RRP1B: variants seen among roughly 807,000 people sequenced by gnomAD.
RRP1B encodes the protein ribosomal RNA processing protein 1 homolog B.
In RRP1B, 56 loss-of-function variants were observed where a neutral mutation model predicts 80.2. That is an observed-to-expected ratio of 0.70 (90% CI 0.56 to 0.87). The LOEUF is 0.87. Ranked by LOEUF, RRP1B falls within the 40% of genes least tolerant of loss-of-function variation. The pLI is 0.00. For missense variants in RRP1B, 807 were observed against 939.8 expected (o/e 0.86, Z 1.85); for synonymous variants, 351 against 357.6 (o/e 0.98, Z 0.21).
chr21:43,669,453 C>T (rs1450302415), intron 1 of RRP1B, among the ~76,000 whole-genome samples: 1 of 152,290 alleles, frequency 6.6e-6, no homozygotes, highest in South Asian at 2.1e-4. Flanking sequence ...GTGGGGCTGC[C>T]CGTTGCTGGG....
In RRP1B at chr21:43,667,506, C is replaced by T. The variant is rs114144589; in HGVS notation, c.131-2378C>T. Among the ~76,000 whole-genome samples the T allele has an allele frequency of 5.6e-3, 855 of 152,206 alleles. 10 individuals carry two copies. The highest frequency in any genetic ancestry group is 0.019 in the African/African-American group (808 of 41,502). The stretch of plus-strand genomic sequence containing the variant: ...TAGAGATTGGGTTTTGCTGTGTTGC[C>T]CAGGCTGGTCTCAAACTCCTGAGCT... On this transcript the variant is annotated intron_variant, in intron 1 of 15. Transcript: ENST00000340648.
At chr21:43,690,060 C>T (rs571504051) in intron 13 of RRP1B, among the ~76,000 whole-genome samples, 4 of 152,284 alleles carry the variant, frequency 2.6e-5, no homozygotes, top group Admixed American at 6.5e-5. Context: ...TCTGACGAGG[C>T]GTTTTCATCG....
Position 43,686,948 on chromosome 21 carries a change from G to A in RRP1B, c.1141+13G>A. On this transcript the variant is annotated intron_variant, in intron 12 of 15. Transcript: ENST00000340648. ...GAAAAGGAGAAAGGTAAGCTGTAAAGCTAAAAAGAAGGGCACGACTCAGCC... is the reference window on the plus strand; with the variant it reads ...GAAAAGGAGAAAGGTAAGCTGTAAAACTAAAAAGAAGGGCACGACTCAGCC... 6.2e-7 allele frequency: 1 copy of A among 1,611,544 alleles called. No homozygotes were observed. The highest frequency in any genetic ancestry group is 2.2e-5 in the East Asian group (1 of 44,846).
Position 43,672,328 on chromosome 21 carries a change from T to C in RRP1B, c.234T>C (p.Ile78=), listed in dbSNP as rs771800689. The C allele has an allele frequency of 6.2e-7, 1 of 1,614,178 alleles. No individual in the cohort carries two copies. The highest frequency in any genetic ancestry group is 1.7e-5 in the Admixed American group (1 of 60,024). The part of the protein sequence containing the change: ...PLLQEELANT[I]AQLVHAVNNS... ...TGCAGGAAGAGCTCGCCAACACCATTGCACAGCTAGTCCATGCTGTTAACA... is the reference window on the plus strand; with the variant it reads ...TGCAGGAAGAGCTCGCCAACACCATCGCACAGCTAGTCCATGCTGTTAACA... Residue 78 remains isoleucine, a synonymous_variant, in exon 3 of 16, where the codon ATT becomes ATC. Coordinates refer to ENST00000340648, the MANE Select transcript of RRP1B (RefSeq NM_015056.3).
intron 3 of RRP1B, among the ~76,000 whole-genome samples, chr21:43,672,887 A>G (rs2083005438): frequency 6.6e-6 from 1 of 152,226 alleles, no homozygotes; most frequent in African/African-American, 2.4e-5. Context: ...AATGATTTCA[A>G]CCACCCCCAG....
At position 43,695,006 on chromosome 21, in the gene RRP1B, T is replaced by A. The variant is rs925168360; in HGVS notation, c.*1623T>A. ...GTAATCGTTTTGTCATAATGAGCCATGAAAAAAGTAATGAACTTGTGCTGT... is the reference window on the plus strand; with the variant it reads ...GTAATCGTTTTGTCATAATGAGCCAAGAAAAAAGTAATGAACTTGTGCTGT... On this transcript the variant is annotated 3_prime_UTR_variant, in exon 16 of 16. Transcript: ENST00000340648. 5 of 152,142 alleles carry A rather than the reference T, an allele frequency of 3.3e-5. No homozygotes were observed. The highest frequency in any genetic ancestry group is 2.1e-4 in the South Asian group (1 of 4,832). The allele number at this position is 152,142 out of a possible 1,614,324, so 9.4% of individuals were successfully genotyped here. A position where few individuals can be genotyped will look rare whatever the true frequency, so the allele number is the denominator to read the frequency against.
At chr21:43,690,173 C>A in intron 13 of RRP1B, 115 bp from the exon 14 acceptor site, 1 of 1,217,350 alleles carries the variant, frequency 8.2e-7, no homozygotes, top group Non-Finnish European at 1.1e-6. Flanking sequence ...AGACCGCGGG[C>A]CGTCGGGTGG....
At position 43,687,939 on chromosome 21, in the gene RRP1B, A is replaced by T. The variant is rs753274047; in HGVS notation, c.1565A>T (p.Lys522Ile). The change falls in exon 13 of 16, where the codon AAA (lysine) becomes ATA (isoleucine). Residue 522 changes from lysine to isoleucine, a missense_variant. Lys to Ile is a moderately radical substitution (Grantham distance 102, BLOSUM62 -3). Coordinates refer to ENST00000340648, the MANE Select transcript of RRP1B (RefSeq NM_015056.3). The part of the protein sequence containing the change: ...GSPTGGAQLL[K>I]RKRKLGVVPV... The stretch of plus-strand genomic sequence containing the variant: ...CCGACAGGTGGAGCCCAACTCCTAA[A>T]AAGGAAGCGGAAACTTGGAGTTGTG... 1 of 1,613,260 alleles carries T rather than the reference A, an allele frequency of 6.2e-7. No homozygotes were observed. Among genetic ancestry groups the T allele is most frequent in the Non-Finnish European group, 8.5e-7 (1 of 1,180,036 alleles).
intron 8 of RRP1B, among the ~76,000 whole-genome samples, chr21:43,682,973 A>C (rs889878202): frequency 6.6e-6 from 1 of 152,110 alleles, no homozygotes; most frequent in African/African-American, 2.4e-5. Context: ...CCTGGGTTCA[A>C]GCGATTCTCA....
chr21:43,661,517 C>G (rs565306489), intron 1 of RRP1B, among the ~76,000 whole-genome samples: 1 of 152,266 alleles, frequency 6.6e-6, no homozygotes, highest in Non-Finnish European at 1.5e-5. Context: ...GGGAGGACCC[C>G]CGTCCTCCCT....
intron 1 of RRP1B, among the ~76,000 whole-genome samples, chr21:43,661,139 G>A (rs1368387921): frequency 6.6e-6 from 1 of 152,136 alleles, no homozygotes; most frequent in Non-Finnish European, 1.5e-5. Flanking sequence ...AAGGAATAAA[G>A]ACCAAAATTC....
intron 2 of RRP1B, among the ~76,000 whole-genome samples, chr21:43,670,428 G>A (rs1269439221): frequency 6.6e-6 from 1 of 152,278 alleles, no homozygotes; most frequent in African/African-American, 2.4e-5. Flanking sequence ...CGCCTGCGCA[G>A]TCACCCAAAC....
chr21:43,665,497 A>G (rs1007612960), intron 1 of RRP1B, among the ~76,000 whole-genome samples: 2 of 152,240 alleles, frequency 1.3e-5, no homozygotes, highest in Non-Finnish European at 2.9e-5. Flanking sequence ...GGACTCTTTC[A>G]GTTGCAACTT....
intron 1 of RRP1B, among the ~76,000 whole-genome samples, chr21:43,668,860 A>T (rs1457580627): frequency 6.6e-6 from 1 of 152,196 alleles, no homozygotes; most frequent in Non-Finnish European, 1.5e-5. Context: ...TTCTAATTTC[A>T]TGTATCCATA....
chr21:43,675,843 C>CATTTTATTTTATTTTATTTTATTTT lies in RRP1B; in HGVS notation c.550-398_550-374dup, dbSNP rs374076927. On this transcript the variant is annotated intron_variant, in intron 6 of 15. Transcript: ENST00000340648. ...TTCTTAAAATATGAGGGGTATTTTGCATTTTATTTTATTTTATTTTATTTT... is the reference window on the plus strand; with the variant it reads ...TTCTTAAAATATGAGGGGTATTTTGCATTTTATTTTATTTTATTTTATTTTATTTTATTTTATTTTATTTTATTTT... Among the ~76,000 whole-genome samples the CATTTTATTTTATTTTATTTTATTTT allele has an allele frequency of 9.4e-4, 135 of 142,952 alleles. 1 individual carries two copies. Among genetic ancestry groups the CATTTTATTTTATTTTATTTTATTTT allele is most frequent in the African/African-American group, 3.4e-3 (129 of 37,796 alleles). The allele number at this position is 142,952 out of a possible 152,430, so 93.8% of individuals were successfully genotyped here.
chr21:43,671,605 C>T (rs535324796), intron 2 of RRP1B, among the ~76,000 whole-genome samples: 151 of 152,036 alleles, frequency 9.9e-4, no homozygotes, highest in African/African-American at 3.6e-3. Flanking sequence ...TGGACTCGAG[C>T]GATCCACCCG....
chr21:43,661,603 C>G (rs1277417268), intron 1 of RRP1B, among the ~76,000 whole-genome samples: 4 of 152,186 alleles, frequency 2.6e-5, no homozygotes, highest in Admixed American at 2.6e-4. Context: ...CCCGCATATT[C>G]CCCAACTGGT....
At chr21:43,677,948 T>G (rs1229731873) in intron 8 of RRP1B, among the ~76,000 whole-genome samples, 1 of 152,250 alleles carries the variant, frequency 6.6e-6, no homozygotes, top group Non-Finnish European at 1.5e-5. Context: ...CAGCTGTGGA[T>G]TGTGCTGCTA....
intron 1 of RRP1B, among the ~76,000 whole-genome samples, chr21:43,667,304 G>A (rs941561025): frequency 2.0e-5 from 3 of 152,202 alleles, no homozygotes; most frequent in Admixed American, 6.5e-5. Context: ...ATAGCTTACT[G>A]CAGCCTCAAA....
Sources: gnomAD v4.1 joint callset for allele counts (sites outside exome capture counted in the v4.1 genomes callset) on GRCh38, gnomAD v4.1.1 for gene constraint, MANE v1.5 for transcripts, NCBI Gene and HGNC (gene_info 2026-07-23, HGNC 2026-07-21) for gene names.